The following POFUT1 variants were observed in gnomAD, a reference collection of about 807,000 sequenced individuals.
The protein encoded by POFUT1 is protein O-fucosyltransferase 1.
A neutral mutation model predicts 42.4 loss-of-function variants in POFUT1; 16 were observed. The ratio of observed to expected loss-of-function variants is 0.38; its 90% CI spans 0.26 to 0.57. The LOEUF is 0.57. Ranked by LOEUF, POFUT1 falls within the 20% of genes least tolerant of loss-of-function variation. The pLI, the probability that POFUT1 is intolerant of heterozygous loss-of-function variation, is 0.71. For synonymous variants in POFUT1, 206 were observed against 205.4 expected (o/e 1.00, Z -0.03); for missense variants, 470 against 504.6 (o/e 0.93, Z 0.66).
chr20:32,226,880 T>C (rs1395388438), intron 4 of POFUT1, among the ~76,000 whole-genome samples: 3 of 152,208 alleles, frequency 2.0e-5, no homozygotes, highest in Non-Finnish European at 4.4e-5. Flanking sequence ...AGTTGGGGGC[T>C]ATTTTATGAA....
At chr20:32,215,131 C>T (rs1335387357) in intron 2 of POFUT1, 138 bp from the exon 3 acceptor site, 2 of 571,162 alleles carry the variant, frequency 3.5e-6, no homozygotes, top group African/African-American at 3.7e-5. Flanking sequence ...TCAAGTGATC[C>T]GCCCGCCTTA....
chr20:32,213,842 A>G (rs1218438569), intron 2 of POFUT1, among the ~76,000 whole-genome samples: 1 of 152,238 alleles, frequency 6.6e-6, no homozygotes, highest in Non-Finnish European at 1.5e-5. Context: ...GATAATTGTT[A>G]ACACTTTCTC....
At chr20:32,210,728 G>A (rs1024871017) in intron 2 of POFUT1, among the ~76,000 whole-genome samples, 3 of 152,224 alleles carry the variant, frequency 2.0e-5, no homozygotes, top group South Asian at 2.1e-4. Context: ...CTTGTCATGC[G>A]ATGCTCACCG....
intron 2 of POFUT1, 29 bp from the exon 3 acceptor site, chr20:32,215,240 C>T (rs537767696): frequency 1.5e-5 from 23 of 1,582,482 alleles, no homozygotes; most frequent in East Asian, 1.1e-4. Flanking sequence ...GGCACTGAGA[C>T]GGGACCTCTG....
Position 32,212,445 on chromosome 20 carries a change from T to C in POFUT1, c.246+2253T>C, listed in dbSNP as rs546711968. 3.3e-5 allele frequency among the ~76,000 whole-genome samples: 5 copies of C among 152,194 alleles called. No homozygotes were observed. In the South Asian group the frequency reaches 1.0e-3, roughly 32 times the overall value. ...CACACCCGGCTAATTCTTTGATTTTTAGTAGGGACAAGGTCTCGCTATGTT... is the reference window on the plus strand; with the variant it reads ...CACACCCGGCTAATTCTTTGATTTTCAGTAGGGACAAGGTCTCGCTATGTT... On this transcript the variant is annotated intron_variant, in intron 2 of 6. Transcript: ENST00000375749.
In POFUT1 at chr20:32,207,887, T is replaced by G. The variant is rs994181416; in HGVS notation, c.-55T>G. On this transcript the variant is annotated 5_prime_UTR_variant, in exon 1 of 7. Coordinates refer to ENST00000375749, the MANE Select transcript of POFUT1 (RefSeq NM_015352.2). ...GCTGGGAGCGGGGCGGGCGCTCGCG[T>G]CCCTCCTTCCCTCCCCGACTGTGCG... 3 of 1,427,574 alleles carry G rather than the reference T, an allele frequency of 2.1e-6. No homozygotes were observed. The highest frequency in any genetic ancestry group is 3.1e-5 in the East Asian group (1 of 32,706). 88.4% of individuals were successfully genotyped at this position (1,427,574 alleles called of 1,614,324 possible).
At chr20:32,231,449 C>T (rs767923289) in intron 6 of POFUT1, 9 of 285,364 alleles carry the variant, frequency 3.2e-5, no homozygotes, top group Non-Finnish European at 5.5e-5. Flanking sequence ...GGTGCTTCGA[C>T]CTCTTTGGGA....
chr20:32,216,881 C>T, intron 4 of POFUT1, 160 bp downstream of exon 4: 1 of 1,517,642 alleles, frequency 6.6e-7, no homozygotes, highest in Non-Finnish European at 8.9e-7. Context: ...GTGATCTGTT[C>T]CCATGTCCAC....
intron 3 of POFUT1, among the ~76,000 whole-genome samples, 158 bp downstream of exon 3, chr20:32,215,609 A>G (rs1243186670): frequency 1.3e-5 from 2 of 152,218 alleles, no homozygotes; most frequent in Non-Finnish European, 2.9e-5. Flanking sequence ...GCGAAGCTGC[A>G]TCACCTTGGG....
At chr20:32,211,437 A>G (rs570828682) in intron 2 of POFUT1, among the ~76,000 whole-genome samples, 7 of 152,138 alleles carry the variant, frequency 4.6e-5, no homozygotes, top group Non-Finnish European at 8.8e-5. Context: ...ACGCCCAGCT[A>G]ATTTTTGTAT....
rs755406217 is a variant in POFUT1 at position 32,215,469 on chromosome 20, G to A, written c.429+18G>A. 8.8e-6 allele frequency: 14 copies of A among 1,590,720 alleles called. No homozygotes were observed. Among genetic ancestry groups the A allele is most frequent in the South Asian group, 4.4e-5 (4 of 89,994 alleles). Reference sequence around the variant, plus strand: ...CCATGAAGGTGGGTCCTGTGGGTTCGGGGGCCCTTTCTTCCTGTTCCATGT... The same window carrying A: ...CCATGAAGGTGGGTCCTGTGGGTTCAGGGGCCCTTTCTTCCTGTTCCATGT... On this transcript the variant is annotated intron_variant, in intron 3 of 6. Transcript: ENST00000375749.
rs186519409 is a variant in POFUT1, at chr20:32,237,267, G to A, written c.*2606G>A. 1.6e-3 allele frequency: 250 copies of A among 156,508 alleles called. No homozygotes were observed. Among genetic ancestry groups the A allele is most frequent in the African/African-American group, 4.8e-3 (200 of 41,634 alleles). The allele number at this position is 156,508 out of a possible 1,614,324, so 9.7% of individuals were successfully genotyped here. On this transcript the variant is annotated 3_prime_UTR_variant, in exon 7 of 7. Coordinates refer to ENST00000375749, the MANE Select transcript of POFUT1 (RefSeq NM_015352.2). Reference sequence around the variant, plus strand: ...CTGGGGATACAGGAGAGAATCAAGCGTAAAGTCTTTGTTCTCAAGGAATTT... The same window carrying A: ...CTGGGGATACAGGAGAGAATCAAGCATAAAGTCTTTGTTCTCAAGGAATTT...
chr20:32,224,597 G>C (rs2047405898), intron 4 of POFUT1, among the ~76,000 whole-genome samples: 1 of 152,156 alleles, frequency 6.6e-6, no homozygotes, highest in Non-Finnish European at 1.5e-5. Flanking sequence ...TGGCTGCAGG[G>C]CATATCATTG....
At chr20:32,229,442 A>G (rs2047431095) in intron 5 of POFUT1, among the ~76,000 whole-genome samples, 2 of 152,258 alleles carry the variant, frequency 1.3e-5, no homozygotes, top group Admixed American at 6.5e-5. Context: ...GATCATCTCA[A>G]TAGAGGCCAA....
intron 3 of POFUT1, among the ~76,000 whole-genome samples, chr20:32,215,896 A>C (rs1481061804): frequency 6.6e-6 from 1 of 152,236 alleles, no homozygotes; most frequent in Non-Finnish European, 1.5e-5. Context: ...GAGGACACCG[A>C]GGATGGCACA....
intron 2 of POFUT1, among the ~76,000 whole-genome samples, chr20:32,215,053 A>G (rs184682781): frequency 6.7e-4 from 102 of 152,094 alleles, no homozygotes; most frequent in African/African-American, 2.4e-3. Context: ...ACCCCCAGCT[A>G]ATTTTCTTGT....
intron 4 of POFUT1, among the ~76,000 whole-genome samples, chr20:32,225,937 G>A (rs1345142262): frequency 1.3e-5 from 2 of 152,206 alleles, no homozygotes; most frequent in African/African-American, 2.4e-5. Flanking sequence ...TTGGAACAAA[G>A]CATTCTGGCT....
At chr20:32,224,850 C>T (rs530968178) in intron 4 of POFUT1, among the ~76,000 whole-genome samples, 1 of 152,316 alleles carries the variant, frequency 6.6e-6, no homozygotes, top group South Asian at 2.1e-4. Flanking sequence ...AAATGGAAAA[C>T]TTTTAGAGAA....
chr20:32,213,544 G>A (rs1453132608), intron 2 of POFUT1, among the ~76,000 whole-genome samples: 1 of 151,870 alleles, frequency 6.6e-6, no homozygotes, highest in Non-Finnish European at 1.5e-5. Flanking sequence ...AGACCGAGGT[G>A]GACAGATCAC....
Sources: allele counts gnomAD v4.1 joint callset (sites outside exome capture counted in the v4.1 genomes callset), GRCh38; gene constraint gnomAD v4.1.1; transcripts MANE v1.5; gene names NCBI Gene and HGNC (gene_info 2026-07-23, HGNC 2026-07-21).